The following CRTC3 variants were observed in gnomAD, a reference collection of about 807,000 sequenced individuals.
CRTC3 encodes CREB-regulated transcription coactivator 3.
In CRTC3, 26 loss-of-function variants were observed where a neutral mutation model predicts 74.5. The ratio of observed to expected loss-of-function variants is 0.35; its 90% CI spans 0.26 to 0.48. CRTC3 has a LOEUF of 0.48. CRTC3 is among the 20% of genes least tolerant of loss of function. The probability of loss-of-function intolerance (pLI) is 0.99; values close to 1 mark genes in which losing one functional copy is unlikely to be tolerated. For synonymous variants in CRTC3, 377 were observed against 325.8 expected (o/e 1.16, Z -1.69); for missense variants, 760 against 787.3 (o/e 0.97, Z 0.41).
intron 2 of CRTC3, among the ~76,000 whole-genome samples, chr15:90,589,049 GTTATTT>G: frequency 6.6e-6 from 1 of 151,886 alleles, no homozygotes; most frequent in Middle Eastern, 3.4e-3. Flanking sequence ...TGTCGTCGTC[GTTATTT>G]TTATTTTTAT....
rs141737123 is a variant in CRTC3, at chr15:90,617,769, G to A, written c.614-114G>A. 1.7e-3 allele frequency: 1,135 copies of A among 670,080 alleles called. 6 individuals carry two copies. The African/African-American group carries it at 0.018, about 11-fold the overall frequency. 41.5% of individuals were successfully genotyped at this position (670,080 alleles called of 1,614,324 possible). A position where few individuals can be genotyped will look rare whatever the true frequency, so the allele number is the denominator to read the frequency against. ...TTGTCTCAAACTCCTGGGCTCAAGC[G>A]ATCCTCCTGCCTCAGCCCCATAAAG... is the stretch of plus-strand genomic sequence containing the variant. On this transcript the variant is annotated intron_variant, in intron 7 of 14. Coordinates refer to ENST00000268184, the MANE Select transcript of CRTC3 (RefSeq NM_022769.5).
At chr15:90,584,026 A>G (rs781672335) in intron 2 of CRTC3, among the ~76,000 whole-genome samples, 5 of 151,900 alleles carry the variant, frequency 3.3e-5, no homozygotes, top group Non-Finnish European at 7.4e-5. Context: ...CATGAGAATC[A>G]AAGGAGGTGC....
rs567093584 is a variant in CRTC3 at position 90,535,046 on chromosome 15, A to G, written c.132+4843A>G. Among the ~76,000 whole-genome samples, 3 of 152,020 alleles carry G rather than the reference A, an allele frequency of 2.0e-5. No individual in the cohort carries two copies. In the South Asian group the frequency reaches 6.2e-4, roughly 31 times the overall value. ...CATGGTGGCGAGTGCCTGTAATCCC[A>G]GCTACTCAGGAGACTGAGGCAAGAG... On this transcript the variant is annotated intron_variant, in intron 1 of 14. Coordinates refer to ENST00000268184, the MANE Select transcript of CRTC3 (RefSeq NM_022769.5).
At chr15:90,546,766 G>A (rs1966844915) in intron 2 of CRTC3, among the ~76,000 whole-genome samples, 1 of 152,148 alleles carries the variant, frequency 6.6e-6, no homozygotes. Context: ...GGGACTACAG[G>A]TGCCCGCCAC....
chr15:90,639,169 C>T lies in CRTC3; in HGVS notation c.1548+354C>T, dbSNP rs939461268. Among the ~76,000 whole-genome samples the T allele has an allele frequency of 3.3e-5, 5 of 152,250 alleles. No individual in the cohort carries two copies. In the East Asian group the frequency reaches 5.8e-4, roughly 18 times the overall value. Reference sequence around the variant, plus strand: ...TAGGGAGAGTGGCGCCTGCTCCCACCGCAGAGTCAGAAGGTGGCGCCGCAT... The same window carrying T: ...TAGGGAGAGTGGCGCCTGCTCCCACTGCAGAGTCAGAAGGTGGCGCCGCAT... On this transcript the variant is annotated intron_variant, in intron 13 of 14. Coordinates refer to ENST00000268184, the MANE Select transcript of CRTC3 (RefSeq NM_022769.5).
At chr15:90,636,243 T>A (rs79286374) in intron 11 of CRTC3, among the ~76,000 whole-genome samples, 99 of 136,408 alleles carry the variant, frequency 7.3e-4, no homozygotes, top group African/African-American at 2.3e-3. Flanking sequence ...AGCCCTCAGA[T>A]ATAATGCCAC....
chr15:90,581,791 G>GTGTC (rs1967546903), intron 2 of CRTC3, among the ~76,000 whole-genome samples: 1 of 152,120 alleles, frequency 6.6e-6, no homozygotes, highest in Non-Finnish European at 1.5e-5. Context: ...ACTCAGTGAA[G>GTGTC]TGTCCTACCA....
At chr15:90,562,796 T>C (rs1474271526) in intron 2 of CRTC3, among the ~76,000 whole-genome samples, 1 of 151,984 alleles carries the variant, frequency 6.6e-6, no homozygotes, top group East Asian at 1.9e-4. Context: ...GGCAACAGCC[T>C]GGATGGAAGA....
rs753321241 is a variant in CRTC3 at position 90,629,466 on chromosome 15, A to G, written c.1200A>G (p.Glu400=). The change falls in exon 11 of 15, where the codon GAA becomes GAG. Residue 400 remains glutamate (E), a synonymous_variant. Transcript: ENST00000268184. ...CTCTCACGCTTTCTCCTGGCCCTGA[A>G]GCACATCAAGGTTTCAGCAGACAGC... ...VSPLTLSPGP[E]AHQGFSRQLS... 5.6e-6 allele frequency: 9 copies of G among 1,613,970 alleles called. No individual in the cohort carries two copies. Among genetic ancestry groups the G allele is most frequent in the Non-Finnish European group, 7.6e-6 (9 of 1,180,026 alleles).
intron 9 of CRTC3, among the ~76,000 whole-genome samples, chr15:90,624,184 C>T (rs1312341187): frequency 2.6e-5 from 4 of 152,108 alleles, no homozygotes; most frequent in East Asian, 1.9e-4. Flanking sequence ...CCTCAGGATT[C>T]GTGACTTCCC....
At chr15:90,635,748 C>T (rs1969210706) in intron 11 of CRTC3, among the ~76,000 whole-genome samples, 2 of 146,950 alleles carry the variant, frequency 1.4e-5, no homozygotes, top group African/African-American at 2.6e-5. Context: ...ATCAGGATTC[C>T]GGCATCCTGT....
intron 2 of CRTC3, among the ~76,000 whole-genome samples, chr15:90,586,429 C>T (rs1357182187): frequency 7.5e-6 from 1 of 134,086 alleles, no homozygotes; most frequent in Non-Finnish European, 1.5e-5. Flanking sequence ...TGCAGTGGCA[C>T]AATCTCAGCT....
chr15:90,541,567 C>G (rs1380799473), intron 2 of CRTC3, among the ~76,000 whole-genome samples: 1 of 152,096 alleles, frequency 6.6e-6, no homozygotes, highest in Non-Finnish European at 1.5e-5. Context: ...TATTAACCCA[C>G]TGGGTTATTT....
chr15:90,632,301 T>G (rs1218639710), intron 11 of CRTC3, among the ~76,000 whole-genome samples: 1 of 152,122 alleles, frequency 6.6e-6, no homozygotes, highest in African/African-American at 2.4e-5. Flanking sequence ...TTTAGATTTT[T>G]TTTAAATGAA....
At chr15:90,602,945 G>C (rs1200805918) in intron 4 of CRTC3, among the ~76,000 whole-genome samples, 1 of 152,082 alleles carries the variant, frequency 6.6e-6, no homozygotes, top group Non-Finnish European at 1.5e-5. Context: ...CAGCACTCCA[G>C]CCTGGTAACA....
intron 2 of CRTC3, among the ~76,000 whole-genome samples, chr15:90,591,295 T>C (rs1967795003): frequency 6.6e-6 from 1 of 151,922 alleles, no homozygotes; most frequent in South Asian, 2.1e-4. Context: ...AATTTTTCTT[T>C]CTTTTGTAGA....
At chr15:90,581,218 C>T (rs1448544052) in intron 2 of CRTC3, among the ~76,000 whole-genome samples, 1 of 152,190 alleles carries the variant, frequency 6.6e-6, no homozygotes, top group African/African-American at 2.4e-5. Context: ...CCAGACAGAA[C>T]AGGACAAGGA....
At chr15:90,579,309 C>G (rs184928006) in intron 2 of CRTC3, among the ~76,000 whole-genome samples, 1 of 152,152 alleles carries the variant, frequency 6.6e-6, no homozygotes, top group Admixed American at 6.5e-5. Flanking sequence ...AATCCCCCTG[C>G]GTACTGAGGG....
At chr15:90,629,634 A>G (rs1246733872) in intron 11 of CRTC3, 102 bp downstream of exon 11, 3 of 1,196,056 alleles carry the variant, frequency 2.5e-6, no homozygotes, top group Non-Finnish European at 3.6e-6. Flanking sequence ...TCATTATTAC[A>G]CCAAGCACCC....
Sources: gnomAD v4.1 joint callset for allele counts (sites outside exome capture counted in the v4.1 genomes callset) on GRCh38, gnomAD v4.1.1 for gene constraint, MANE v1.5 for transcripts, NCBI Gene and HGNC (gene_info 2026-07-23, HGNC 2026-07-21) for gene names.